Variants in CERS6 observed in about 807,000 individuals in gnomAD.
CERS6 encodes the protein ceramide synthase 6.
Under a neutral mutation model 56.8 loss-of-function variants are expected in CERS6, and 26 were observed. The observed-to-expected ratio is 0.46, with a 90% CI of 0.34 to 0.63. The LOEUF (loss-of-function observed/expected upper bound fraction) is 0.63. CERS6 is among the 30% of genes least tolerant of loss of function. The pLI is 0.01. For missense variants in CERS6, 415 were observed against 467.5 expected, an observed-to-expected ratio of 0.89 and a Z score of 1.04; for synonymous variants, 164 against 173.3, an observed-to-expected ratio of 0.95 and a Z score of 0.42.
At chr2:168,660,933 A>G (rs1309990739) in intron 4 of CERS6, among the ~76,000 whole-genome samples, 2 of 152,176 alleles carry the variant, frequency 1.3e-5, no homozygotes, top group African/African-American at 2.4e-5. Flanking sequence ...ACATAGAGGC[A>G]TGATAATGAG....
chr2:168,629,973 A>C (rs117197677), intron 3 of CERS6, among the ~76,000 whole-genome samples: 2,609 of 151,836 alleles, frequency 0.017, 104 homozygotes, highest in East Asian at 0.16. Context: ...CCCGCCACTA[A>C]GCCTGTCTAA....
intron 3 of CERS6, among the ~76,000 whole-genome samples, chr2:168,562,904 A>T (rs902061405): frequency 2.0e-5 from 3 of 152,134 alleles, no homozygotes; most frequent in Non-Finnish European, 4.4e-5. Context: ...CCTGCCATAT[A>T]TCCAAAGGGC....
At chr2:168,683,652 C>CT (rs1057315487) in intron 4 of CERS6, among the ~76,000 whole-genome samples, 3 of 152,156 alleles carry the variant, frequency 2.0e-5, no homozygotes, top group Admixed American at 1.3e-4. Flanking sequence ...TGTCATTCAT[C>CT]TTTTCTTTTC....
rs35721288 is a variant in CERS6, at chr2:168,638,429, C to CAA, written c.465+7397_465+7398dup. 9.9e-4 allele frequency among the ~76,000 whole-genome samples: 145 copies of CAA among 147,084 alleles called. 1 individual carries two copies. Among genetic ancestry groups the CAA allele is most frequent in the East Asian group, 9.8e-3 (50 of 5,098 alleles). On this transcript the variant is annotated intron_variant, in intron 4 of 9. Transcript: ENST00000305747. ...CTGATTTGACCATTGCACATCGTAT[C>CAA]AAAAAAAAAAAGTATCAAAAATAAA...
chr2:168,512,033 A>G (rs779152472), intron 1 of CERS6, among the ~76,000 whole-genome samples: 1 of 152,264 alleles, frequency 6.6e-6, no homozygotes, highest in East Asian at 1.9e-4. Context: ...TGCTACAACA[A>G]GGGTTGAACC....
chr2:168,547,806 A>G (rs1695494214), intron 2 of CERS6, 105 bp downstream of exon 2: 4 of 757,824 alleles, frequency 5.3e-6, no homozygotes, highest in Admixed American at 2.2e-5. Context: ...ACTTTTGCCT[A>G]GCCTTATGCT....
chr2:168,516,070 A>G (rs1437191178), intron 1 of CERS6, among the ~76,000 whole-genome samples: 2 of 152,236 alleles, frequency 1.3e-5, no homozygotes. Flanking sequence ...TCAATACTTT[A>G]GTCTCCTTCT....
intron 1 of CERS6, among the ~76,000 whole-genome samples, chr2:168,461,250 AT>A (rs1558958123): frequency 6.6e-6 from 1 of 152,132 alleles, no homozygotes; most frequent in Non-Finnish European, 1.5e-5. Context: ...AGTGTTCCTT[AT>A]TTAGCTTGTT....
At chr2:168,679,633 G>A (rs1419474705) in intron 4 of CERS6, among the ~76,000 whole-genome samples, 1 of 152,142 alleles carries the variant, frequency 6.6e-6, no homozygotes, top group Non-Finnish European at 1.5e-5. Context: ...TATTGTTCAG[G>A]GAGATTAGTA....
chr2:168,754,100 A>G (rs1055870610), intron 8 of CERS6, among the ~76,000 whole-genome samples: 5 of 152,268 alleles, frequency 3.3e-5, no homozygotes, highest in Admixed American at 2.0e-4. Flanking sequence ...CAGGCATCAA[A>G]TACCACTCCC....
At chr2:168,587,938 A>G (rs1228389161) in intron 3 of CERS6, among the ~76,000 whole-genome samples, 1 of 151,946 alleles carries the variant, frequency 6.6e-6, no homozygotes, top group Non-Finnish European at 1.5e-5. Context: ...ATTTCATTAT[A>G]TTTTACAGAC....
intron 1 of CERS6, among the ~76,000 whole-genome samples, chr2:168,480,913 G>A (rs1017854721): frequency 3.9e-5 from 6 of 152,200 alleles, no homozygotes; most frequent in Non-Finnish European, 7.3e-5. Context: ...GTCTTGAGTA[G>A]CATGGGGAGT....
At position 168,682,463 on chromosome 2, in the gene CERS6, G is replaced by A. The variant is rs531404672; in HGVS notation, c.466-8571G>A. The stretch of plus-strand genomic sequence containing the variant: ...GTACACTGTATACCTTCTTGTAACC[G>A]GATCTTAACTTAAAATATGAATGTG... On this transcript the variant is annotated intron_variant, in intron 4 of 9. Transcript: ENST00000305747. 8.5e-5 allele frequency among the ~76,000 whole-genome samples: 13 copies of A among 152,084 alleles called. No individual in the cohort carries two copies. In the South Asian group the frequency reaches 2.3e-3, roughly 27 times the overall value.
intron 1 of CERS6, among the ~76,000 whole-genome samples, chr2:168,544,100 A>G (rs1388640588): frequency 4.6e-5 from 7 of 152,254 alleles, no homozygotes; most frequent in Admixed American, 1.3e-4. Context: ...CATCGTTCAA[A>G]GAAAGATGAT....
At chr2:168,637,264 T>C (rs1684881499) in intron 4 of CERS6, among the ~76,000 whole-genome samples, 1 of 151,968 alleles carries the variant, frequency 6.6e-6, no homozygotes, top group Non-Finnish European at 1.5e-5. Flanking sequence ...GATCACGAGG[T>C]CAGGAGTTCA....
intron 3 of CERS6, among the ~76,000 whole-genome samples, chr2:168,595,503 T>C (rs1382774122): frequency 6.6e-6 from 1 of 152,196 alleles, no homozygotes; most frequent in Non-Finnish European, 1.5e-5. Context: ...TTCCTTTATC[T>C]CTTTATTCTC....
At chr2:168,492,486 G>A (rs1029449923) in intron 1 of CERS6, among the ~76,000 whole-genome samples, 1 of 152,120 alleles carries the variant, frequency 6.6e-6, no homozygotes, top group Admixed American at 6.6e-5. Flanking sequence ...GTAAATTTGT[G>A]TAAGTTTTTT....
At chr2:168,626,800 G>A (rs1451036921) in intron 3 of CERS6, among the ~76,000 whole-genome samples, 1 of 152,058 alleles carries the variant, frequency 6.6e-6, no homozygotes, top group Non-Finnish European at 1.5e-5. Context: ...TCCTTATATG[G>A]AGTCTTTCTG....
intron 3 of CERS6, among the ~76,000 whole-genome samples, chr2:168,595,828 C>T (rs1683783494): frequency 6.6e-6 from 1 of 152,014 alleles, no homozygotes; most frequent in South Asian, 2.1e-4. Context: ...TTGTGGAGAT[C>T]AAAAAGAAGA....
Sources: gnomAD v4.1 joint callset for allele counts (sites outside exome capture counted in the v4.1 genomes callset) on GRCh38, gnomAD v4.1.1 for gene constraint, MANE v1.5 for transcripts, NCBI Gene and HGNC (gene_info 2026-07-23, HGNC 2026-07-21) for gene names.